The following GABRR3 variants were observed in gnomAD, a reference collection of about 807,000 sequenced individuals.
GABRR3 encodes the protein gamma-aminobutyric acid receptor subunit rho-3.
A neutral mutation model predicts 43.2 loss-of-function variants in GABRR3; 29 were observed. The ratio of observed to expected loss-of-function variants is 0.67; its 90% confidence interval spans 0.50 to 0.92. GABRR3 has a LOEUF of 0.92. Ranked by LOEUF, GABRR3 falls within the 40% of genes least tolerant of loss-of-function variation. GABRR3 has a pLI of 0.00. For synonymous variants in GABRR3, 206 were observed against 195.9 expected (o/e 1.05, Z -0.43); for missense variants, 576 against 572.3 (o/e 1.01, Z -0.07).
chr3:98,006,951 C>T (rs1417815113), intron 7 of GABRR3, among the ~76,000 whole-genome samples: 1 of 152,052 alleles, frequency 6.6e-6, no homozygotes, highest in Non-Finnish European at 1.5e-5. Flanking sequence ...GGCAATGATG[C>T]ACTTTATGGA....
At chr3:97,995,359 G>A (rs552087893) in intron 8 of GABRR3, among the ~76,000 whole-genome samples, 19 of 152,042 alleles carry the variant, frequency 1.2e-4, no homozygotes, top group African/African-American at 4.3e-4. Flanking sequence ...GCAGTAATAT[G>A]GAGCTTAGCG....
chr3:98,017,310 A>G (rs1401491652), intron 4 of GABRR3, among the ~76,000 whole-genome samples: 2 of 152,212 alleles, frequency 1.3e-5, no homozygotes, highest in East Asian at 1.9e-4. Context: ...GCAAGGACTC[A>G]TGATTCGGAT....
chr3:98,006,608 T>G (rs867665681), intron 7 of GABRR3, among the ~76,000 whole-genome samples: 71 of 152,080 alleles, frequency 4.7e-4, no homozygotes, highest in African/African-American at 1.7e-3. Flanking sequence ...CAAGGCAGAG[T>G]AGGTAAAGCA....
At chr3:98,007,900 G>A in exon 7 of GABRR3, 1 of 1,564,000 alleles carries the variant, frequency 6.4e-7, no homozygotes, top group Non-Finnish European at 8.7e-7. Flanking sequence ...CCTCATTGTA[G>A]GCATCTAAAA....
chr3:98,031,783 A>G (rs1707089638), intron 2 of GABRR3, among the ~76,000 whole-genome samples: 1 of 152,088 alleles, frequency 6.6e-6, no homozygotes, highest in South Asian at 2.1e-4. Context: ...AACAAAAACA[A>G]GAGAAGGCTG....
At chr3:98,006,928 G>C (rs1326352688) in intron 7 of GABRR3, among the ~76,000 whole-genome samples, 7 of 152,068 alleles carry the variant, frequency 4.6e-5, no homozygotes, top group Non-Finnish European at 1.0e-4. Context: ...TTTTGGATAG[G>C]TTTTCTGTTT....
chr3:98,012,347 A>G (rs1217773400), exon 5 of GABRR3: 1 of 1,612,960 alleles, frequency 6.2e-7, no homozygotes, highest in Non-Finnish European at 8.5e-7. Context: ...TCCTTACCTG[A>G]GACTTAGGAG....
intron 8 of GABRR3, among the ~76,000 whole-genome samples, chr3:97,996,425 T>A (rs980681067): frequency 6.6e-6 from 1 of 152,180 alleles, no homozygotes; most frequent in Non-Finnish European, 1.5e-5. Context: ...ACTGCTCTTA[T>A]CCAGTTGCCT....
chr3:98,009,097 C>T, intron 5 of GABRR3, 59 bp from the exon 6 acceptor site: 4 of 1,072,642 alleles, frequency 3.7e-6, no homozygotes, highest in Non-Finnish European at 5.6e-6. Flanking sequence ...GCCAAATGAG[C>T]ATGCAACATT....
chr3:98,006,080 T>C (rs1213972807), intron 7 of GABRR3, among the ~76,000 whole-genome samples: 1 of 152,042 alleles, frequency 6.6e-6, no homozygotes, highest in African/African-American at 2.4e-5. Context: ...TATATGCCTA[T>C]ATTTATTCAT....
Position 98,022,875 on chromosome 3 carries a change from T to A in GABRR3, c.238+2692A>T, listed in dbSNP as rs78901156. ...ATTTTTAAAAAAATGCATTTTCATT[T>A]AAAAAAAATCTTTAAATGTATCTCT... On this transcript the variant is annotated intron_variant, in intron 3 of 9. Coordinates refer to ENST00000621172, the Ensembl canonical transcript of GABRR3. 6.4e-3 allele frequency among the ~76,000 whole-genome samples: 969 copies of A among 152,202 alleles called. 9 individuals are homozygous for A. Among genetic ancestry groups the A allele is most frequent in the African/African-American group, 0.022 (911 of 41,516 alleles).
intron 9 of GABRR3, among the ~76,000 whole-genome samples, chr3:97,991,143 G>C (rs1384397847): frequency 1.3e-5 from 2 of 152,114 alleles, no homozygotes; most frequent in Non-Finnish European, 2.9e-5. Flanking sequence ...ACTAGATGGA[G>C]GTGAGCCAAA....
rs1004602462 is a variant in GABRR3 at position 98,023,192 on chromosome 3, G to T, written c.238+2375C>A. On this transcript the variant is annotated intron_variant, in intron 3 of 9. Transcript: ENST00000621172. Reference sequence around the variant, plus strand: ...GTCAAAGCCTCTCTAGACCGCACTTGGTTCAAGGTCTACATTCAAGGATAG... The same window carrying T: ...GTCAAAGCCTCTCTAGACCGCACTTTGTTCAAGGTCTACATTCAAGGATAG... Among the ~76,000 whole-genome samples the T allele has an allele frequency of 2.6e-4, 39 of 152,122 alleles. 1 individual carries two copies. The highest frequency in any genetic ancestry group is 8.4e-4 in the African/African-American group (35 of 41,428).
At chr3:98,017,176 C>T (rs1222045295) in intron 4 of GABRR3, among the ~76,000 whole-genome samples, 1 of 151,944 alleles carries the variant, frequency 6.6e-6, no homozygotes, top group African/African-American at 2.4e-5. Context: ...ATTTTTAGTC[C>T]CATGAACTTA....
chr3:98,001,474 G>A (rs1169899584), intron 8 of GABRR3, 141 bp downstream of exon 8: 7 of 859,478 alleles, frequency 8.1e-6, no homozygotes, highest in Non-Finnish European at 1.1e-5. Context: ...TGTCAAGATC[G>A]ATACTGCAAC....
In GABRR3 at chr3:98,003,978, C is replaced by T. The variant is rs55962160; in HGVS notation, c.755-2211G>A. On this transcript the variant is annotated intron_variant, in intron 7 of 9. Coordinates refer to ENST00000621172, the Ensembl canonical transcript of GABRR3. ...ATCTGAACTAAATTTTGGATGGGGA[C>T]GGGTACATCTGCCTCCATTAGTTTG... Among the ~76,000 whole-genome samples the T allele has an allele frequency of 4.1e-3, 624 of 152,100 alleles. 1 individual carries two copies. The highest frequency in any genetic ancestry group is 0.014 in the African/African-American group (571 of 41,496).
chr3:98,029,205 T>A (rs748215001), intron 2 of GABRR3, among the ~76,000 whole-genome samples: 1 of 152,148 alleles, frequency 6.6e-6, no homozygotes, highest in Non-Finnish European at 1.5e-5. Context: ...CAAAGTATTA[T>A]GAAGATTGAG....
chr3:98,012,237 T>C, intron 5 of GABRR3, 107 bp downstream of exon 5: 1 of 777,572 alleles, frequency 1.3e-6, no homozygotes, highest in African/African-American at 1.7e-5. Context: ...TCCAGCAGCA[T>C]TAAACAGACA....
chr3:97,993,284 C>G (rs1485995954), intron 8 of GABRR3, among the ~76,000 whole-genome samples: 1 of 152,160 alleles, frequency 6.6e-6, no homozygotes, highest in Admixed American at 6.5e-5. Context: ...TTCCTTTCCT[C>G]CATTTAAAGG....
Sources: allele counts gnomAD v4.1 joint callset (sites outside exome capture counted in the v4.1 genomes callset), GRCh38; gene constraint gnomAD v4.1.1; transcripts MANE v1.5; gene names NCBI Gene and HGNC (gene_info 2026-07-23, HGNC 2026-07-21).